The following TMC5 variants were observed in gnomAD, a reference collection of about 807,000 sequenced individuals.
TMC5 encodes the protein transmembrane channel like 5, also known as transmembrane channel-like protein 5.
In TMC5, 86 loss-of-function variants were observed where a neutral mutation model predicts 110.5. The ratio of observed to expected loss-of-function variants is 0.78; its 90% CI spans 0.65 to 0.93. The LOEUF is 0.93. TMC5 is among the 40% of genes least tolerant of loss of function. The pLI, the probability that TMC5 is intolerant of heterozygous loss-of-function variation, is 0.00. For synonymous variants in TMC5, 455 were observed against 439.5 expected, an observed-to-expected ratio of 1.04 and a Z score of -0.44; for missense variants, 1,144 against 1,222.8, an observed-to-expected ratio of 0.94 and a Z score of 0.96.
At chr16:19,483,376 G>C (rs1371732421) in intron 15 of TMC5, among the ~76,000 whole-genome samples, 1 of 152,240 alleles carries the variant, frequency 6.6e-6, no homozygotes. Context: ...TAATTTGAAA[G>C]TATTGGATTT....
intron 3 of TMC5, among the ~76,000 whole-genome samples, chr16:19,441,428 T>A (rs1472169907): frequency 1.3e-5 from 2 of 151,920 alleles, no homozygotes; most frequent in Non-Finnish European, 2.9e-5. Flanking sequence ...CAATTGATCC[T>A]CCCACCCCAG....
At chr16:19,446,670 C>T (rs781343614) in intron 4 of TMC5, among the ~76,000 whole-genome samples, 1 of 152,170 alleles carries the variant, frequency 6.6e-6, no homozygotes, top group African/African-American at 2.4e-5. Flanking sequence ...GATTGAATCC[C>T]GTCTCTCTAC....
intron 1 of TMC5, chr16:19,411,422 T>C (rs982002871): frequency 6.6e-6 from 1 of 152,196 alleles, no homozygotes; most frequent in Admixed American, 6.5e-5. Context: ...ATCTACGAAA[T>C]AGGGTCTCCT....
In TMC5 at chr16:19,458,003, C is replaced by T. The variant is rs79711481; in HGVS notation, c.1049-2232C>T. Among the ~76,000 whole-genome samples the T allele has an allele frequency of 5.9e-4, 89 of 151,482 alleles. No individual in the cohort carries two copies. In the East Asian group the frequency reaches 0.016, roughly 28 times the overall value. ...CTTCCCAAAGTGCTGGGATGGATTA[C>T]GGGTGTAAGCCACCACATCCAGCCT... On this transcript the variant is annotated intron_variant, in intron 5 of 21. Coordinates refer to ENST00000542583, the MANE Select transcript of TMC5 (RefSeq NM_001261841.2).
At position 19,431,298 on chromosome 16, in the gene TMC5, T is replaced by C. The variant is rs527793139; in HGVS notation, c.-80+658T>C. Among the ~76,000 whole-genome samples, 139 of 152,236 alleles carry C rather than the reference T, an allele frequency of 9.1e-4. 1 individual carries two copies. Among genetic ancestry groups the C allele is most frequent in the Non-Finnish European group, 1.4e-3 (96 of 68,004 alleles). ...GCTCACACCTGTAATCCCAGCACTT[T>C]GGGAGGCCAAGGTGGGTGGATTGCC... On this transcript the variant is annotated intron_variant, in intron 2 of 21. Coordinates refer to ENST00000542583, the MANE Select transcript of TMC5 (RefSeq NM_001261841.2).
chr16:19,411,861 T>C (rs1392347866), intron 1 of TMC5, among the ~76,000 whole-genome samples: 1 of 152,220 alleles, frequency 6.6e-6, no homozygotes, highest in Non-Finnish European at 1.5e-5. Context: ...AGTTCCAGAC[T>C]GCAGATTAGG....
At chr16:19,493,463 C>CTCTCTCTT (rs748855852) in intron 19 of TMC5, among the ~76,000 whole-genome samples, 65 of 58,022 alleles carry the variant, frequency 1.1e-3, no homozygotes, top group African/African-American at 2.7e-3. Flanking sequence ...CTCTCTCTCT[C>CTCTCTCTT]TCTTTTTTTT....
intron 19 of TMC5, among the ~76,000 whole-genome samples, chr16:19,492,943 A>ATATATATATATATATCT (rs61334845): frequency 1.1e-5 from 1 of 92,078 alleles, no homozygotes; most frequent in Non-Finnish European, 2.4e-5. Context: ...TCTCTCTATA[A>ATATATATATATATATCT]GATAAATACT....
In TMC5 at chr16:19,474,249, G is replaced by C; in HGVS notation, c.2063G>C (p.Arg688Pro). Reference sequence around the variant, plus strand: ...CTTGTGGAGAGGTACGAGATGCCACGGCACGAAGTCTACGTTCTCCTGATC... The same window carrying C: ...CTTGTGGAGAGGTACGAGATGCCACCGCACGAAGTCTACGTTCTCCTGATC... The part of the protein sequence containing the change: ...FRLVERYEMP[R>P]HEVYVLLIRN... The change falls in exon 12 of 22, where the codon CGG (arginine) becomes CCG (proline). Residue 688 changes from arginine (R) to proline (P), a missense_variant. Transcript: ENST00000542583. 1 of 1,614,062 alleles carries C rather than the reference G, an allele frequency of 6.2e-7. No individual in the cohort carries two copies. Among genetic ancestry groups the C allele is most frequent in the Non-Finnish European group, 8.5e-7 (1 of 1,179,976 alleles).
chr16:19,419,743 C>T lies in TMC5; in HGVS notation c.-308+1651C>T, dbSNP rs540835401. ...GTTAAAAGTAGGGTTTATTGTCATACTTTGCCAGAAAAGGTCCTGTCCCCA... is the reference window on the plus strand; with the variant it reads ...GTTAAAAGTAGGGTTTATTGTCATATTTTGCCAGAAAAGGTCCTGTCCCCA... On this transcript the variant is annotated intron_variant, in intron 1 of 21. Transcript: ENST00000542583. Among the ~76,000 whole-genome samples, 110 of 152,180 alleles carry T rather than the reference C, an allele frequency of 7.2e-4. 1 individual carries two copies. In the Middle Eastern group the frequency reaches 0.031, roughly 43 times the overall value.
intron 5 of TMC5, chr16:19,456,458 C>A: frequency 1.7e-6 from 2 of 1,178,564 alleles, no homozygotes; most frequent in East Asian, 7.6e-5. Context: ...AGACAGAATT[C>A]TCTGCAGGAA....
chr16:19,438,390 C>CAAAAAAAAAAAA (rs60807937), intron 2 of TMC5, among the ~76,000 whole-genome samples: 7 of 60,022 alleles, frequency 1.2e-4, no homozygotes, highest in Admixed American at 2.3e-4. Context: ...GACACCCTGT[C>CAAAAAAAAAAAA]AAAAAAAAAA....
intron 5 of TMC5, chr16:19,456,711 T>C (rs769083992): frequency 6.2e-7 from 1 of 1,605,780 alleles, no homozygotes; most frequent in Non-Finnish European, 8.5e-7. Flanking sequence ...CAGGAGATGC[T>C]GTCCGATGAC....
rs56178955 is a variant in TMC5, at chr16:19,495,011, C to CTTTTTTTTT, written c.2931+658_2931+666dup. ...CACTATGAATACTTCAGTGTCTATT[C>CTTTTTTTTT]TTTTTTTTTTTTTTTTTTTTTGAGA... is the stretch of plus-strand genomic sequence containing the variant. On this transcript the variant is annotated intron_variant, in intron 20 of 21. Transcript: ENST00000542583. 3.5e-3 allele frequency among the ~76,000 whole-genome samples: 142 copies of CTTTTTTTTT among 40,476 alleles called. 24 individuals are homozygous for CTTTTTTTTT. Among genetic ancestry groups the CTTTTTTTTT allele is most frequent in the African/African-American group, 0.012 (134 of 10,730 alleles). 26.6% of individuals were successfully genotyped at this position (40,476 alleles called of 152,430 possible). A position where few individuals can be genotyped will look rare whatever the true frequency, so the allele number is the denominator to read the frequency against.
At chr16:19,443,142 C>T (rs1205162110) in intron 3 of TMC5, among the ~76,000 whole-genome samples, 1 of 152,184 alleles carries the variant, frequency 6.6e-6, no homozygotes, top group African/African-American at 2.4e-5. Context: ...TTTGGCTGAT[C>T]CTTAGCATTA....
intron 11 of TMC5, among the ~76,000 whole-genome samples, chr16:19,473,769 C>T (rs1427256126): frequency 6.6e-6 from 1 of 152,100 alleles, no homozygotes; most frequent in African/African-American, 2.4e-5. Flanking sequence ...CACCTGAGGT[C>T]GGGAGTTAGA....
intron 3 of TMC5, 86 bp downstream of exon 3, chr16:19,440,912 G>C (rs922905451): frequency 1.5e-6 from 2 of 1,360,044 alleles, no homozygotes; most frequent in African/African-American, 1.4e-5. Context: ...GTGTGGTTTA[G>C]ATTAGGGATA....
chr16:19,470,880 C>T (rs1335707897), intron 10 of TMC5, among the ~76,000 whole-genome samples: 1 of 151,574 alleles, frequency 6.6e-6, no homozygotes, highest in East Asian at 1.9e-4. Context: ...AAAAAAAGGA[C>T]AAAAAAGTAG....
Position 19,498,174 on chromosome 16 carries a change from CA to C in TMC5, c.*212del. On this transcript the variant is annotated 3_prime_UTR_variant, in exon 22 of 22. Coordinates refer to ENST00000542583, the MANE Select transcript of TMC5 (RefSeq NM_001261841.2). ...TACCTGGATTGCTGATTTTTCAAGACAAAATACTTGGGGTTTTCCAATAAAG... is the reference window on the plus strand; with the variant it reads ...TACCTGGATTGCTGATTTTTCAAGACAAATACTTGGGGTTTTCCAATAAAG... The C allele has an allele frequency of 1.8e-6, 1 of 563,652 alleles. No individual in the cohort carries two copies. Among genetic ancestry groups the C allele is most frequent in the Non-Finnish European group, 3.2e-6 (1 of 317,458 alleles). The allele number at this position is 563,652 out of a possible 1,614,324, so 34.9% of individuals were successfully genotyped here.
Sources: gnomAD v4.1 joint callset for allele counts (sites outside exome capture counted in the v4.1 genomes callset) on GRCh38, gnomAD v4.1.1 for gene constraint, MANE v1.5 for transcripts, NCBI Gene and HGNC (gene_info 2026-07-23, HGNC 2026-07-21) for gene names.